CA4: variants seen among roughly 807,000 people sequenced by gnomAD.
CA4 encodes the protein carbonic anhydrase 4, also known as CA-IV.
CA4 carries 24 observed loss-of-function variants against 34.5 expected under a neutral mutation model. That is an observed-to-expected ratio of 0.70 (90% CI 0.50 to 0.98). The LOEUF is 0.98. CA4 is among the 50% of genes least tolerant of loss of function. CA4 has a pLI of 0.00. For synonymous variants in CA4, 178 were observed against 170.6 expected (o/e 1.04, Z -0.34); for missense variants, 394 against 396.7 (o/e 0.99, Z 0.06).
In CA4 at chr17:60,157,563, T is replaced by A. The variant is rs1233100170; in HGVS notation, c.405T>A (p.Phe135Leu). The change falls in exon 4 of 8, where the codon TTT (phenylalanine) becomes TTA (leucine). Residue 135 changes from phenylalanine to leucine, a missense_variant. By Grantham distance (22) the Phe-to-Leu change is conservative. Coordinates refer to ENST00000300900, the MANE Select transcript of CA4 (RefSeq NM_000717.5). ...GSEHSLDGEH[F>L]AMEMHIVHEK... ...AGCACAGCCTCGATGGGGAGCACTT[T>A]GCCATGGAGGTGAGGGCCCCTTCCC... 6.2e-7 allele frequency: 1 copy of A among 1,614,204 alleles called. No individual in the cohort carries two copies. The highest frequency in any genetic ancestry group is 2.2e-5 in the East Asian group (1 of 44,882).
downstream of CA4, among the ~76,000 whole-genome samples, chr17:60,175,189 A>ATTTTTTTTTTTTT (rs555031745): frequency 0.044 from 4,691 of 107,100 alleles, 248 homozygotes; most frequent in East Asian, 0.079. Context: ...CACCCAGCTG[A>ATTTTTTTTTTTTT]TTTTTTTTTT....
intron 5 of CA4, among the ~76,000 whole-genome samples, chr17:60,165,937 T>C (rs1246566170): frequency 6.6e-6 from 1 of 152,194 alleles, no homozygotes; most frequent in Non-Finnish European, 1.5e-5. Context: ...GTCTTGTACT[T>C]TTATTTACTA....
downstream of CA4, among the ~76,000 whole-genome samples, chr17:60,171,233 CT>C (rs1012444872): frequency 2.4e-4 from 37 of 152,346 alleles, no homozygotes; most frequent in African/African-American, 7.7e-4. Flanking sequence ...ATTTAGCCCT[CT>C]CCTTTCCCCC....
chr17:60,175,055 G>A (rs1294318562), downstream of CA4, among the ~76,000 whole-genome samples: 2 of 152,068 alleles, frequency 1.3e-5, no homozygotes, highest in Non-Finnish European at 2.9e-5. Context: ...TTGAGACAAG[G>A]TCTCACTGTC....
intron 7 of CA4, chr17:60,158,933 A>G: frequency 2.1e-6 from 1 of 487,492 alleles, no homozygotes. Context: ...ATGCTAACGC[A>G]TGCTCAAGTT....
intron 1 of CA4, among the ~76,000 whole-genome samples, chr17:60,153,480 T>C (rs8081509): frequency 0.081 from 12,294 of 152,276 alleles, 1,664 homozygotes; most frequent in African/African-American, 0.28. Flanking sequence ...TTTGGGAATG[T>C]CCTACTCTGT....
In CA4 at chr17:60,159,423, G is replaced by A; in HGVS notation, c.938G>A (p.Ter313=). ...LACLLAGFLR[*] ...TGCCTGCTGGCCGGCTTCCTGCGAT[G>A]ATGGCTCACTTCTGCACGCAGCCTC... is the stretch of plus-strand genomic sequence containing the variant. The change falls in exon 8 of 8, where the codon TGA becomes TAA. Residue 313 remains the stop codon, a stop_retained_variant. Coordinates refer to ENST00000300900, the MANE Select transcript of CA4 (RefSeq NM_000717.5). The A allele has an allele frequency of 6.2e-7, 1 of 1,611,274 alleles. No individual in the cohort carries two copies. The highest frequency in any genetic ancestry group is 8.5e-7 in the Non-Finnish European group (1 of 1,179,644).
At chr17:60,176,480 G>A in the CA4 span, among the ~76,000 whole-genome samples, 6 of 151,916 alleles carry the variant, frequency 3.9e-5, 1 homozygote, top group South Asian at 1.0e-3. Flanking sequence ...CTGGTTTCTC[G>A]GTGCTCCCTA....
intron 6 of CA4, 29 bp downstream of exon 6, chr17:60,158,156 G>C (rs759720207): frequency 1.2e-6 from 2 of 1,612,892 alleles, no homozygotes; most frequent in Non-Finnish European, 8.5e-7. Flanking sequence ...GAAGGGCTTG[G>C]GGTGAGGGGG....
chr17:60,169,409 A>G (rs2083892803), intron 5 of CA4, among the ~76,000 whole-genome samples: 1 of 152,136 alleles, frequency 6.6e-6, no homozygotes, highest in Non-Finnish European at 1.5e-5. Flanking sequence ...ACACAATTAC[A>G]CCTAAGCCTC....
chr17:60,173,139 G>A (rs112257117), downstream of CA4, among the ~76,000 whole-genome samples: 3,234 of 151,488 alleles, frequency 0.021, 135 homozygotes, highest in African/African-American at 0.075. Flanking sequence ...GCGAAACTCC[G>A]TCTCAAAAAC....
At chr17:60,160,313 A>G (rs548009143), downstream of CA4, among the ~76,000 whole-genome samples, 37 of 152,316 alleles carry the variant, frequency 2.4e-4, no homozygotes, top group African/African-American at 8.7e-4. Context: ...AAATTTATTG[A>G]GCGTTTATGC....
rs1282464357 is a variant in CA4, at chr17:60,159,445, C to T, written c.*21C>T. On this transcript the variant is annotated 3_prime_UTR_variant, in exon 8 of 8. Transcript: ENST00000300900. ...GATGATGGCTCACTTCTGCACGCAG[C>T]CTCTCTGTTGCCTCAGCTCTCCAAG... 6.2e-7 allele frequency: 1 copy of T among 1,607,586 alleles called. No homozygotes were observed.
chr17:60,150,320 T>TG (rs1007069896), intron 1 of CA4, among the ~76,000 whole-genome samples: 8 of 152,044 alleles, frequency 5.3e-5, no homozygotes, highest in Non-Finnish European at 5.9e-5. Flanking sequence ...TGTGCACGGG[T>TG]GTGCGCGGTG....
At chr17:60,175,909 C>T in the CA4 span, among the ~76,000 whole-genome samples, 31 of 151,276 alleles carry the variant, frequency 2.0e-4, no homozygotes, top group African/African-American at 6.8e-4. Context: ...CTCTGCCTCC[C>T]GGGTTCAAGC....
chr17:60,151,265 C>T (rs2083587514), intron 1 of CA4, among the ~76,000 whole-genome samples: 2 of 152,106 alleles, frequency 1.3e-5, no homozygotes, highest in African/African-American at 4.8e-5. Flanking sequence ...GCTCCATCCT[C>T]AAAGCGGCGG....
chr17:60,172,768 C>T (rs1050621068), downstream of CA4, among the ~76,000 whole-genome samples: 4 of 151,824 alleles, frequency 2.6e-5, no homozygotes, highest in East Asian at 1.9e-4. Flanking sequence ...CACTTGAATC[C>T]GGGAGGTGGA....
In CA4 at chr17:60,158,363, C is replaced by T; in HGVS notation, c.661C>T (p.Leu221=). Reference sequence around the variant, plus strand: ...GAAACTGAGGCACTACTTCCGCTACCTGGGCTCACTCACCACACCGACCTG... The same window carrying T: ...GAAACTGAGGCACTACTTCCGCTACTTGGGCTCACTCACCACACCGACCTG... ...EEKLRHYFRY[L]GSLTTPTCDE... Residue 221 remains leucine, a synonymous_variant, in exon 7 of 8, where the codon CTG becomes TTG. Transcript: ENST00000300900. The T allele has an allele frequency of 6.2e-7, 1 of 1,614,186 alleles. No individual in the cohort carries two copies. Among genetic ancestry groups the T allele is most frequent in the East Asian group, 2.2e-5 (1 of 44,890 alleles).
intron 1 of CA4, among the ~76,000 whole-genome samples, chr17:60,151,694 G>A (rs144838071): frequency 4.5e-3 from 686 of 152,286 alleles, no homozygotes; most frequent in Non-Finnish European, 8.0e-3. Flanking sequence ...CCCAAGCCTG[G>A]GGCCAGTGTC....
Sources: allele counts gnomAD v4.1 joint callset (sites outside exome capture counted in the v4.1 genomes callset), GRCh38; gene constraint gnomAD v4.1.1; transcripts MANE v1.5; gene names NCBI Gene and HGNC (gene_info 2026-07-23, HGNC 2026-07-21).